DOCK2: variants seen among roughly 807,000 people sequenced by gnomAD.
DOCK2 encodes dedicator of cytokinesis 2, also known as dedicator of cytokinesis protein 2.
Under a neutral mutation model 248.9 loss-of-function variants are expected in DOCK2, and 87 were observed. That is an observed-to-expected ratio of 0.35 (90% CI 0.29 to 0.42). The LOEUF is 0.42. Ranked by LOEUF, DOCK2 falls within the 10% of genes least tolerant of loss-of-function variation. The probability of loss-of-function intolerance (pLI) is 1.00; values close to 1 mark genes in which losing one functional copy is unlikely to be tolerated. For synonymous variants in DOCK2, 805 were observed against 821.6 expected (o/e 0.98, Z 0.35); for missense variants, 1,747 against 2,300.2 (o/e 0.76, Z 4.92).
intron 27 of DOCK2, among the ~76,000 whole-genome samples, chr5:169,885,156 T>C (rs547543725): frequency 2.0e-5 from 3 of 152,334 alleles, no homozygotes; most frequent in South Asian, 4.1e-4. Context: ...TCAGGACCCA[T>C]TGTACATCCT....
chr5:169,782,390 G>A lies in DOCK2; in HGVS notation c.2555-20668G>A, dbSNP rs113830301. Among the ~76,000 whole-genome samples, 139 of 152,114 alleles carry A rather than the reference G, an allele frequency of 9.1e-4. 1 individual carries two copies. The highest frequency in any genetic ancestry group is 2.8e-3 in the African/African-American group (116 of 41,482). ...AACTGTGGTTGTAGTCTCCTTATTC[G>A]TGATCAGGTTCCTTGCAGCTGTTTC... is the stretch of plus-strand genomic sequence containing the variant. On this transcript the variant is annotated intron_variant, in intron 25 of 51. Coordinates refer to ENST00000520908, the MANE Select transcript of DOCK2 (RefSeq NM_004946.3).
chr5:169,976,920 T>A (rs1777736955), intron 27 of DOCK2, among the ~76,000 whole-genome samples: 1 of 152,184 alleles, frequency 6.6e-6, no homozygotes, highest in Non-Finnish European at 1.5e-5. Flanking sequence ...GCCTTTGACA[T>A]GTAGCAGGCC....
chr5:169,838,168 T>A (rs1269538362), intron 26 of DOCK2, among the ~76,000 whole-genome samples: 3 of 152,148 alleles, frequency 2.0e-5, no homozygotes, highest in African/African-American at 7.2e-5. Context: ...GCAGGGTCTA[T>A]CCATCTTGAC....
At chr5:170,036,246 G>A (rs550251556) in intron 35 of DOCK2, among the ~76,000 whole-genome samples, 19 of 152,132 alleles carry the variant, frequency 1.2e-4, no homozygotes, top group Non-Finnish European at 2.5e-4. Context: ...ACACTGAACT[G>A]CCCCTCCTGA....
chr5:169,980,482 TGAAAA>T (rs1247975943), intron 27 of DOCK2: 1 of 151,988 alleles, frequency 6.6e-6, no homozygotes, highest in East Asian at 1.9e-4. Flanking sequence ...AGCTACCATG[TGAAAA>T]GAAAAGACCT....
At chr5:169,886,215 A>G (rs4867897) in intron 27 of DOCK2, among the ~76,000 whole-genome samples, 58,047 of 152,044 alleles carry the variant, frequency 0.38, 11,942 homozygotes, top group Non-Finnish European at 0.46. Flanking sequence ...CAGAATGAGC[A>G]GAGTTTCATG....
At chr5:170,061,895 C>A (rs771403819) in intron 44 of DOCK2, among the ~76,000 whole-genome samples, 1 of 152,106 alleles carries the variant, frequency 6.6e-6, no homozygotes, top group Non-Finnish European at 1.5e-5. Flanking sequence ...CCCTCAGAGC[C>A]CCCCCAGAGT....
chr5:169,902,389 T>C (rs1773976971), intron 27 of DOCK2, among the ~76,000 whole-genome samples: 2 of 152,108 alleles, frequency 1.3e-5, no homozygotes. Flanking sequence ...CACAAAGAAG[T>C]TTAGTGATTT....
At chr5:169,978,925 A>G (rs1241217739) in intron 27 of DOCK2, among the ~76,000 whole-genome samples, 1 of 152,174 alleles carries the variant, frequency 6.6e-6, no homozygotes, top group Admixed American at 6.5e-5. Flanking sequence ...GCGAGGTGAC[A>G]CTGTCTGGTT....
At chr5:169,830,914 A>G (rs1030873866) in intron 26 of DOCK2, among the ~76,000 whole-genome samples, 5 of 152,162 alleles carry the variant, frequency 3.3e-5, no homozygotes, top group Non-Finnish European at 5.9e-5. Context: ...AGCCATTCCC[A>G]CAGTAGCCTG....
intron 25 of DOCK2, among the ~76,000 whole-genome samples, chr5:169,785,444 A>C (rs1227537026): frequency 6.6e-6 from 1 of 152,228 alleles, no homozygotes; most frequent in Non-Finnish European, 1.5e-5. Context: ...CACATTTTAG[A>C]GATTAGCATA....
chr5:169,682,317 G>A (rs987003014), intron 7 of DOCK2, among the ~76,000 whole-genome samples: 3 of 152,242 alleles, frequency 2.0e-5, no homozygotes, highest in African/African-American at 7.2e-5. Flanking sequence ...TCATGTGAGG[G>A]CACCAGGCCT....
At position 169,966,743 on chromosome 5, in the gene DOCK2, C is replaced by T. The variant is rs374015252; in HGVS notation, c.2800-16325C>T. On this transcript the variant is annotated intron_variant, in intron 27 of 51. Transcript: ENST00000520908. The stretch of plus-strand genomic sequence containing the variant: ...TGGGACAAGTGTTGTTTCCTACTAC[C>T]TCCATGGAAAATGAGGCCGGAAAGA... Among the ~76,000 whole-genome samples, 43 of 152,268 alleles carry T rather than the reference C, an allele frequency of 2.8e-4. 1 individual carries two copies. The South Asian group carries it at 8.1e-3, about 29-fold the overall frequency.
At chr5:169,871,565 G>T (rs1771973825) in intron 27 of DOCK2, among the ~76,000 whole-genome samples, 1 of 152,202 alleles carries the variant, frequency 6.6e-6, no homozygotes. Flanking sequence ...TCTGCCAAGG[G>T]CATGTAAATA....
intron 50 of DOCK2, chr5:170,080,698 C>G (rs1386545025): frequency 5.3e-6 from 1 of 188,772 alleles, no homozygotes; most frequent in East Asian, 1.3e-4. Context: ...CATCTTATAG[C>G]TGCAAAGTGT....
chr5:169,666,571 C>T (rs1758748217), intron 2 of DOCK2, among the ~76,000 whole-genome samples: 1 of 152,140 alleles, frequency 6.6e-6, no homozygotes, highest in African/African-American at 2.4e-5. Context: ...TTGTTATCTG[C>T]CCAGTCATGT....
chr5:169,679,912 TTAG>T (rs1454405527), intron 6 of DOCK2, among the ~76,000 whole-genome samples: 7 of 152,210 alleles, frequency 4.6e-5, no homozygotes, highest in African/African-American at 1.7e-4. Context: ...AATCTGGTAC[TTAG>T]TAGTCGCAAC....
intron 27 of DOCK2, among the ~76,000 whole-genome samples, chr5:169,896,364 C>T (rs1334400506): frequency 6.6e-6 from 1 of 152,270 alleles, no homozygotes; most frequent in East Asian, 1.9e-4. Flanking sequence ...TGGACAAGAG[C>T]TTGCATTCTG....
At chr5:169,789,570 A>G (rs540607981) in intron 25 of DOCK2, among the ~76,000 whole-genome samples, 11 of 152,268 alleles carry the variant, frequency 7.2e-5, no homozygotes, top group Non-Finnish European at 1.6e-4. Flanking sequence ...TATTATCTTT[A>G]TTTCCTCCCA....
Sources: allele counts gnomAD v4.1 joint callset (sites outside exome capture counted in the v4.1 genomes callset), GRCh38; gene constraint gnomAD v4.1.1; transcripts MANE v1.5; gene names NCBI Gene and HGNC (gene_info 2026-07-23, HGNC 2026-07-21).